The following RANBP17 variants were observed in gnomAD, a reference collection of about 807,000 sequenced individuals.
The protein encoded by RANBP17 is RAN binding protein 17.
A neutral mutation model predicts 141.2 loss-of-function variants in RANBP17; 158 were observed. That is an observed-to-expected ratio of 1.12 (90% CI 0.98 to 1.28). RANBP17 has a LOEUF of 1.28. RANBP17 is among the 50% of genes most tolerant of loss of function. The pLI, the probability that RANBP17 is intolerant of heterozygous loss-of-function variation, is 0.00. For missense variants in RANBP17, 1,438 were observed against 1,290.7 expected (o/e 1.11, Z -1.75); for synonymous variants, 430 against 450.0 (o/e 0.96, Z 0.56).
chr5:170,983,181 G>A, intron 14 of RANBP17: 2 of 465,580 alleles, frequency 4.3e-6, no homozygotes, highest in South Asian at 1.9e-5. Flanking sequence ...GCTAAGGGAA[G>A]CTCTCGGATA....
chr5:170,888,476 G>C (rs1769336530), intron 3 of RANBP17, among the ~76,000 whole-genome samples: 1 of 152,064 alleles, frequency 6.6e-6, no homozygotes, highest in Non-Finnish European at 1.5e-5. Flanking sequence ...TCATTTTTGA[G>C]GGTACTAATG....
At chr5:171,188,284 G>A (rs1761401701) in intron 18 of RANBP17, among the ~76,000 whole-genome samples, 1 of 152,250 alleles carries the variant, frequency 6.6e-6, no homozygotes, top group Admixed American at 6.5e-5. Flanking sequence ...CCTTAGGCAA[G>A]TCGGAGATGT....
intron 3 of RANBP17, among the ~76,000 whole-genome samples, chr5:170,886,894 C>A (rs916511906): frequency 6.6e-6 from 1 of 151,902 alleles, no homozygotes; most frequent in Non-Finnish European, 1.5e-5. Context: ...AACTCCTGAG[C>A]TCAAGCGATC....
intron 22 of RANBP17, among the ~76,000 whole-genome samples, chr5:171,234,755 G>GA (rs1018514818): frequency 2.0e-5 from 3 of 152,168 alleles, no homozygotes; most frequent in African/African-American, 7.2e-5. Context: ...GGGTGTGGGG[G>GA]ACCAAAGTTC....
chr5:170,885,025 G>A (rs901529679), intron 3 of RANBP17, among the ~76,000 whole-genome samples: 1 of 152,092 alleles, frequency 6.6e-6, no homozygotes, highest in Non-Finnish European at 1.5e-5. Flanking sequence ...AGTGAGTAAT[G>A]TCTGACAGGC....
At chr5:171,255,633 T>A (rs1765832322) in intron 24 of RANBP17, among the ~76,000 whole-genome samples, 1 of 152,178 alleles carries the variant, frequency 6.6e-6, no homozygotes. Flanking sequence ...AGTAAAATGT[T>A]TTGAAGTTTA....
chr5:170,974,959 G>A (rs540996207), intron 14 of RANBP17, among the ~76,000 whole-genome samples: 8 of 152,036 alleles, frequency 5.3e-5, no homozygotes, highest in Non-Finnish European at 1.0e-4. Flanking sequence ...AGGCCCTTGC[G>A]CTCTGGGCCT....
At chr5:171,055,174 G>C (rs979768446) in intron 14 of RANBP17, among the ~76,000 whole-genome samples, 1 of 152,168 alleles carries the variant, frequency 6.6e-6, no homozygotes, top group Non-Finnish European at 1.5e-5. Flanking sequence ...ATATGGGGTT[G>C]CTAGCTGATT....
intron 25 of RANBP17, among the ~76,000 whole-genome samples, chr5:171,279,993 GAGA>G (rs1457386068): frequency 1.3e-5 from 2 of 152,170 alleles, no homozygotes; most frequent in East Asian, 1.9e-4. Context: ...CAGAGTAAAT[GAGA>G]AGGTTTCCCC....
intron 25 of RANBP17, among the ~76,000 whole-genome samples, chr5:171,283,525 A>G (rs1256556054): frequency 1.3e-5 from 2 of 152,248 alleles, no homozygotes; most frequent in Non-Finnish European, 2.9e-5. Context: ...AACTATAAAT[A>G]AAAACTCTCA....
intron 14 of RANBP17, among the ~76,000 whole-genome samples, chr5:171,012,077 GTTTGTTTA>G (rs1423152200): frequency 6.0e-4 from 15 of 25,138 alleles, no homozygotes; most frequent in South Asian, 0.02. Context: ...CGAATATATT[GTTTGTTTA>G]TTTGTTTAAA....
At chr5:170,883,213 G>A (rs78301952) in intron 3 of RANBP17, among the ~76,000 whole-genome samples, 4,082 of 152,286 alleles carry the variant, frequency 0.027, 170 homozygotes, top group African/African-American at 0.093. Flanking sequence ...TTCAAATAGT[G>A]TAAAGCTAAG....
chr5:170,935,324 C>G (rs1248818543), intron 12 of RANBP17, among the ~76,000 whole-genome samples: 1 of 152,244 alleles, frequency 6.6e-6, no homozygotes, highest in East Asian at 1.9e-4. Flanking sequence ...CAAAGTCATT[C>G]TCTGTCCAGC....
chr5:170,913,321 G>A (rs1266025564), intron 7 of RANBP17, among the ~76,000 whole-genome samples: 1 of 151,956 alleles, frequency 6.6e-6, no homozygotes, highest in African/African-American at 2.4e-5. Flanking sequence ...ACCAGTTCAA[G>A]TTGAAGGCTC....
intron 14 of RANBP17, among the ~76,000 whole-genome samples, chr5:170,978,254 C>T (rs958906039): frequency 5.3e-5 from 8 of 152,022 alleles, no homozygotes; most frequent in Non-Finnish European, 1.2e-4. Flanking sequence ...TTGCTGGTGG[C>T]AGTGTAAATT....
chr5:171,087,438 C>A (rs1007549149), intron 14 of RANBP17, among the ~76,000 whole-genome samples: 1 of 152,118 alleles, frequency 6.6e-6, no homozygotes, highest in Non-Finnish European at 1.5e-5. Flanking sequence ...AATGTATATT[C>A]TGTTGATTTG....
At position 171,293,863 on chromosome 5, in the gene RANBP17, T is replaced by C; in HGVS notation, c.2944-20T>C. On this transcript the variant is annotated intron_variant, in intron 25 of 27. Coordinates refer to ENST00000523189, the MANE Select transcript of RANBP17 (RefSeq NM_022897.5). ...CTCTGAGACAAGGCATCTCAATCTT[T>C]ATGTGATTCTATCTTCTAGATGATG... 1 of 1,579,554 alleles carries C rather than the reference T, an allele frequency of 6.3e-7. No individual in the cohort carries two copies. Among genetic ancestry groups the C allele is most frequent in the Non-Finnish European group, 8.7e-7 (1 of 1,148,682 alleles).
In RANBP17 at chr5:171,251,541, G is replaced by GA. The variant is rs75734200; in HGVS notation, c.2776+8737dup. On this transcript the variant is annotated intron_variant, in intron 24 of 27. Transcript: ENST00000523189. ...ATTGGGTCAATGTAAAATTATAGTG[G>GA]AAAAAAAAAAAAAAAACTTCTTGAA... 6.1e-3 allele frequency among the ~76,000 whole-genome samples: 731 copies of GA among 120,696 alleles called. 3 individuals are homozygous for GA. Among genetic ancestry groups the GA allele is most frequent in the East Asian group, 0.02 (76 of 3,806 alleles). The allele number at this position is 120,696 out of a possible 152,430, so 79.2% of individuals were successfully genotyped here.
intron 25 of RANBP17, among the ~76,000 whole-genome samples, chr5:171,289,633 G>A (rs1205901428): frequency 2.0e-5 from 3 of 152,186 alleles, no homozygotes; most frequent in Admixed American, 6.5e-5. Flanking sequence ...CAGCCACACA[G>A]GAGGCTGAGG....
Sources: allele counts gnomAD v4.1 joint callset (sites outside exome capture counted in the v4.1 genomes callset), GRCh38; gene constraint gnomAD v4.1.1; transcripts MANE v1.5; gene names NCBI Gene and HGNC (gene_info 2026-07-23, HGNC 2026-07-21).